SSBP2: variants seen among roughly 807,000 people sequenced by gnomAD.
SSBP2 encodes the protein single-stranded DNA-binding protein 2.
A neutral mutation model predicts 61.8 loss-of-function variants in SSBP2; 17 were observed. That is an observed-to-expected ratio of 0.28 (90% CI 0.19 to 0.41). The LOEUF is 0.41. Ranked by LOEUF, SSBP2 falls within the 10% of genes least tolerant of loss-of-function variation. SSBP2 has a pLI of 1.00. For missense variants in SSBP2, 310 were observed against 458.7 expected, an observed-to-expected ratio of 0.68 and a Z score of 2.96; for synonymous variants, 139 against 141.3, an observed-to-expected ratio of 0.98 and a Z score of 0.12.
intron 1 of SSBP2, among the ~76,000 whole-genome samples, chr5:81,717,907 T>C (rs1755267216): frequency 6.6e-6 from 1 of 152,182 alleles, no homozygotes; most frequent in Non-Finnish European, 1.5e-5. Flanking sequence ...AGCCAATCAA[T>C]GGAGGATACA....
chr5:81,565,818 T>C (rs933716088), intron 4 of SSBP2, among the ~76,000 whole-genome samples: 3 of 152,214 alleles, frequency 2.0e-5, no homozygotes, highest in African/African-American at 7.2e-5. Context: ...ACAAGTTTGG[T>C]CTACTGAGCC....
At chr5:81,605,175 G>A (rs756855801) in intron 4 of SSBP2, among the ~76,000 whole-genome samples, 7 of 147,590 alleles carry the variant, frequency 4.7e-5, no homozygotes, top group Middle Eastern at 3.5e-3. Context: ...CCTCAACAGA[G>A]AGAGTTCTTA....
intron 16 of SSBP2, among the ~76,000 whole-genome samples, chr5:81,423,964 GT>G (rs1287777878): frequency 4.6e-5 from 7 of 152,082 alleles, no homozygotes; most frequent in Admixed American, 1.3e-4. Flanking sequence ...TATTTCAAAT[GT>G]TTTAAGTCAA....
chr5:81,647,507 A>G (rs1289067992), intron 2 of SSBP2, among the ~76,000 whole-genome samples: 1 of 151,964 alleles, frequency 6.6e-6, no homozygotes, highest in African/African-American at 2.4e-5. Context: ...ATTCCCCTAC[A>G]TTGGTTATTT....
At chr5:81,594,622 C>A (rs1236441952) in intron 4 of SSBP2, among the ~76,000 whole-genome samples, 1 of 152,200 alleles carries the variant, frequency 6.6e-6, no homozygotes, top group Non-Finnish European at 1.5e-5. Flanking sequence ...TGTAAAAGAA[C>A]AGAAACTATA....
intron 1 of SSBP2, among the ~76,000 whole-genome samples, chr5:81,719,852 G>T (rs1350705540): frequency 6.6e-6 from 1 of 152,116 alleles, no homozygotes; most frequent in Non-Finnish European, 1.5e-5. Flanking sequence ...TGGGCTCCAG[G>T]GTGTAAGAAC....
intron 4 of SSBP2, among the ~76,000 whole-genome samples, chr5:81,577,140 C>T (rs1245907318): frequency 2.6e-5 from 4 of 151,798 alleles, no homozygotes; most frequent in Non-Finnish European, 4.4e-5. Flanking sequence ...TTATATGAGC[C>T]GTGTGTAATC....
chr5:81,725,733 T>C (rs542590536), intron 1 of SSBP2, among the ~76,000 whole-genome samples: 2 of 152,276 alleles, frequency 1.3e-5, no homozygotes, highest in Non-Finnish European at 2.9e-5. Context: ...TTTTTGGCAC[T>C]GAAATACAGT....
intron 4 of SSBP2, among the ~76,000 whole-genome samples, chr5:81,545,191 A>T (rs570576973): frequency 1.3e-5 from 2 of 152,212 alleles, no homozygotes; most frequent in Non-Finnish European, 2.9e-5. Context: ...TATTAAAGAC[A>T]TAACTATATA....
chr5:81,507,241 TATATCAG>T (rs1768249172), intron 5 of SSBP2, among the ~76,000 whole-genome samples: 1 of 152,210 alleles, frequency 6.6e-6, no homozygotes, highest in Admixed American at 6.5e-5. Flanking sequence ...TATTTTCTAC[TATATCAG>T]AGTTTCATTC....
At chr5:81,644,009 A>G (rs1749049980) in intron 2 of SSBP2, among the ~76,000 whole-genome samples, 1 of 152,220 alleles carries the variant, frequency 6.6e-6, no homozygotes, top group Non-Finnish European at 1.5e-5. Flanking sequence ...GCTGTTCAAC[A>G]TGATACTCGG....
chr5:81,689,798 CAT>C lies in SSBP2; in HGVS notation c.63-39461_63-39460del, dbSNP rs1753075249. On this transcript the variant is annotated intron_variant, in intron 1 of 16. Coordinates refer to ENST00000320672, the MANE Select transcript of SSBP2 (RefSeq NM_012446.5). The stretch of plus-strand genomic sequence containing the variant: ...CTGGTATGGTAAGTACACAGAAAAA[CAT>C]AGAATATTGTGACACTGTAATTGTG... Among the ~76,000 whole-genome samples, 2 of 151,996 alleles carry C rather than the reference CAT, an allele frequency of 1.3e-5. 1 individual carries two copies. The highest frequency in any genetic ancestry group is 4.1e-4 in the South Asian group (2 of 4,830).
intron 1 of SSBP2, among the ~76,000 whole-genome samples, chr5:81,709,024 G>T (rs549443272): frequency 6.6e-6 from 1 of 152,000 alleles, no homozygotes; most frequent in Non-Finnish European, 1.5e-5. Flanking sequence ...TTTGATGGAA[G>T]AGCCAGGCTA....
intron 15 of SSBP2, among the ~76,000 whole-genome samples, chr5:81,431,801 G>A (rs1762308704): frequency 6.6e-6 from 1 of 152,068 alleles, no homozygotes; most frequent in African/African-American, 2.4e-5. Flanking sequence ...GCTCAGGCTG[G>A]TCATGAATTC....
At chr5:81,462,996 TTAAA>T (rs1243875480) in intron 9 of SSBP2, among the ~76,000 whole-genome samples, 5 of 151,992 alleles carry the variant, frequency 3.3e-5, no homozygotes, top group South Asian at 2.1e-4. Context: ...GTTAAAATAA[TTAAA>T]TATTTAATTT....
At chr5:81,738,917 C>T (rs1044296412) in intron 1 of SSBP2, among the ~76,000 whole-genome samples, 8 of 152,046 alleles carry the variant, frequency 5.3e-5, no homozygotes, top group African/African-American at 1.7e-4. Flanking sequence ...GTAATCCCAG[C>T]ACTTTGGGTG....
intron 10 of SSBP2, among the ~76,000 whole-genome samples, chr5:81,450,570 T>G (rs753901562): frequency 1.3e-5 from 2 of 152,224 alleles, no homozygotes; most frequent in African/African-American, 2.4e-5. Context: ...TTTATGAGTA[T>G]GGTCATATCC....
At chr5:81,617,903 A>C (rs372512092) in intron 3 of SSBP2, among the ~76,000 whole-genome samples, 2 of 136,412 alleles carry the variant, frequency 1.5e-5, no homozygotes, top group Non-Finnish European at 1.6e-5. Context: ...AGCAAATGCT[A>C]AGAGATTTTG....
intron 4 of SSBP2, among the ~76,000 whole-genome samples, chr5:81,614,329 C>A (rs1205063772): frequency 7.1e-6 from 1 of 140,990 alleles, no homozygotes; most frequent in African/African-American, 2.6e-5. Flanking sequence ...CACCGCACTC[C>A]AACCTGGGAG....
Sources: allele counts gnomAD v4.1 joint callset (sites outside exome capture counted in the v4.1 genomes callset), GRCh38; gene constraint gnomAD v4.1.1; transcripts MANE v1.5; gene names NCBI Gene and HGNC (gene_info 2026-07-23, HGNC 2026-07-21).